The following SRGAP3 variants were observed in gnomAD, a reference collection of about 807,000 sequenced individuals.
The protein encoded by SRGAP3 is SLIT-ROBO Rho GTPase activating protein 3.
A neutral mutation model predicts 121.1 loss-of-function variants in SRGAP3; 39 were observed. The ratio of observed to expected loss-of-function variants is 0.32; its 90% CI spans 0.25 to 0.42. SRGAP3 has a LOEUF of 0.42. Ranked by LOEUF, SRGAP3 falls within the 10% of genes least tolerant of loss-of-function variation. The pLI, the probability that SRGAP3 is intolerant of heterozygous loss-of-function variation, is 1.00. For synonymous variants in SRGAP3, 601 were observed against 570.0 expected, an observed-to-expected ratio of 1.05 and a Z score of -0.77; for missense variants, 1,213 against 1,470.6, an observed-to-expected ratio of 0.82 and a Z score of 2.86.
chr3:9,344,047 C>A (rs576808119), intron 1 of SRGAP3, among the ~76,000 whole-genome samples: 1 of 152,188 alleles, frequency 6.6e-6, no homozygotes, highest in Non-Finnish European at 1.5e-5. Flanking sequence ...AGCGTGGGCA[C>A]GGTGTCTCAC....
At chr3:9,257,130 T>C in intron 3 of SRGAP3, 4 of 332,902 alleles carry the variant, frequency 1.2e-5, no homozygotes, top group Non-Finnish European at 2.2e-5. Context: ...CAACACAAAA[T>C]AATTTACACC....
intron 3 of SRGAP3, among the ~76,000 whole-genome samples, chr3:9,264,119 C>T (rs1434262292): frequency 6.6e-6 from 1 of 152,160 alleles, no homozygotes; most frequent in African/African-American, 2.4e-5. Flanking sequence ...ATGACAAAAA[C>T]CACATGATTA....
intron 1 of SRGAP3, among the ~76,000 whole-genome samples, chr3:9,240,604 G>A (rs1292732481): frequency 6.6e-6 from 1 of 152,096 alleles, no homozygotes; most frequent in Non-Finnish European, 1.5e-5. Context: ...TGGGCACTAC[G>A]CTACAGCAAT....
At position 8,991,543 on chromosome 3, in the gene SRGAP3, C is replaced by T. The variant is rs541514437; in HGVS notation, c.2559-704G>A. 4.7e-4 allele frequency among the ~76,000 whole-genome samples: 72 copies of T among 152,292 alleles called. 1 individual carries two copies. The highest frequency in any genetic ancestry group is 1.4e-3 in the African/African-American group (59 of 41,558). ...GTGAGTTCTTGCCCTGTGTCTGCCGCGTGCTTTCCTGTGTCCTCTCTCAAG... is the reference window on the plus strand; with the variant it reads ...GTGAGTTCTTGCCCTGTGTCTGCCGTGTGCTTTCCTGTGTCCTCTCTCAAG... On this transcript the variant is annotated intron_variant, in intron 20 of 21. Transcript: ENST00000383836.
chr3:9,311,230 C>T (rs758526548), intron 3 of SRGAP3, among the ~76,000 whole-genome samples: 3 of 151,714 alleles, frequency 2.0e-5, no homozygotes, highest in Non-Finnish European at 4.4e-5. Context: ...ACCTGAATTT[C>T]CAGATGGTTA....
At chr3:9,150,355 A>T (rs922813168) in intron 1 of SRGAP3, among the ~76,000 whole-genome samples, 2 of 151,974 alleles carry the variant, frequency 1.3e-5, no homozygotes, top group African/African-American at 4.8e-5. Context: ...TGGGAGAGGA[A>T]AAGGGAGCCT....
At chr3:9,209,542 C>A (rs1425294625) in intron 1 of SRGAP3, among the ~76,000 whole-genome samples, 1 of 152,202 alleles carries the variant, frequency 6.6e-6, no homozygotes, top group African/African-American at 2.4e-5. Context: ...AAATTAGGGG[C>A]AACTTCTCTT....
chr3:9,050,557 G>A (rs1024445196), intron 9 of SRGAP3, among the ~76,000 whole-genome samples: 2 of 152,212 alleles, frequency 1.3e-5, no homozygotes, highest in Non-Finnish European at 2.9e-5. Flanking sequence ...CTAAAATAAT[G>A]AGTCATGAGA....
chr3:9,087,755 T>C lies in SRGAP3; in HGVS notation c.424-7668A>G, dbSNP rs1032376004. On this transcript the variant is annotated intron_variant, in intron 3 of 21. Coordinates refer to ENST00000383836, the MANE Select transcript of SRGAP3 (RefSeq NM_014850.4). ...CAGGACTGGGAACTACTGAGGGTTG[T>C]TGAGCAGAAGTTTAAGATGACCAGG... Among the ~76,000 whole-genome samples the C allele has an allele frequency of 7.6e-4, 116 of 152,096 alleles. 2 individuals carry two copies. The highest frequency in any genetic ancestry group is 2.2e-3 in the African/African-American group (93 of 41,414).
chr3:9,080,171 G>A (rs1185579208), intron 3 of SRGAP3, 84 bp from the exon 4 acceptor site: 2 of 1,424,404 alleles, frequency 1.4e-6, no homozygotes, highest in Non-Finnish European at 2.0e-6. Context: ...GAAAGGTCAG[G>A]AATGTTTCGG....
intron 14 of SRGAP3, among the ~76,000 whole-genome samples, chr3:9,019,849 C>G (rs925194): frequency 2.0e-5 from 3 of 152,062 alleles, no homozygotes; most frequent in African/African-American, 7.3e-5. Flanking sequence ...GTGGCCCAGA[C>G]ACAGGTATCA....
intron 13 of SRGAP3, 90 bp downstream of exon 13, chr3:9,026,845 C>G: frequency 6.9e-7 from 1 of 1,453,728 alleles, no homozygotes; most frequent in Non-Finnish European, 9.7e-7. Flanking sequence ...GGGAAGTCTT[C>G]CAGGACAAAT....
intron 11 of SRGAP3, 44 bp downstream of exon 11, chr3:9,038,019 C>A (rs758939629): frequency 2.5e-6 from 4 of 1,614,096 alleles, no homozygotes; most frequent in Non-Finnish European, 1.7e-6. Context: ...CCCACTCCCA[C>A]CTCGGGCAGC....
chr3:9,343,426 C>G (rs556600809), intron 1 of SRGAP3, among the ~76,000 whole-genome samples: 1 of 152,274 alleles, frequency 6.6e-6, no homozygotes, highest in African/African-American at 2.4e-5. Context: ...AATCTCTCAT[C>G]CAGTCTCTCT....
intron 3 of SRGAP3, among the ~76,000 whole-genome samples, chr3:9,101,830 A>G (rs1331743676): frequency 6.6e-6 from 1 of 152,164 alleles, no homozygotes; most frequent in Non-Finnish European, 1.5e-5. Flanking sequence ...ATTCAGTTTA[A>G]TTTTGCTAGG....
chr3:9,147,985 G>A lies in SRGAP3; in HGVS notation c.68-23068C>T, dbSNP rs576648653. On this transcript the variant is annotated intron_variant, in intron 1 of 21. Coordinates refer to ENST00000383836, the MANE Select transcript of SRGAP3 (RefSeq NM_014850.4). ...AAAGGCATTAAGCCTCACCTCCCAC[G>A]CCTGAGATTGTCTCCAGAGCCAGGG... Among the ~76,000 whole-genome samples the A allele has an allele frequency of 4.6e-5, 7 of 152,280 alleles. No individual in the cohort carries two copies. The South Asian group carries it at 6.2e-4, about 14-fold the overall frequency.
chr3:9,101,040 G>A (rs534178869), intron 3 of SRGAP3, among the ~76,000 whole-genome samples: 2 of 152,354 alleles, frequency 1.3e-5, no homozygotes, highest in South Asian at 4.1e-4. Flanking sequence ...TGATCTGTTT[G>A]GCCCTCTAGG....
chr3:9,281,988 G>C (rs1339843793), intron 3 of SRGAP3, among the ~76,000 whole-genome samples: 2 of 152,130 alleles, frequency 1.3e-5, no homozygotes, highest in Non-Finnish European at 2.9e-5. Context: ...TATTATTAAT[G>C]GCAAAGCCAA....
chr3:9,148,946 G>A (rs933181759), intron 1 of SRGAP3, among the ~76,000 whole-genome samples: 1 of 152,054 alleles, frequency 6.6e-6, no homozygotes, highest in African/African-American at 2.4e-5. Context: ...CTGGGTATGG[G>A]GGCTCACTCC....
Sources: allele counts gnomAD v4.1 joint callset (sites outside exome capture counted in the v4.1 genomes callset), GRCh38; gene constraint gnomAD v4.1.1; transcripts MANE v1.5; gene names NCBI Gene and HGNC (gene_info 2026-07-23, HGNC 2026-07-21).